The following SORCS1 variants were observed in gnomAD, a reference collection of about 807,000 sequenced individuals.
SORCS1 encodes the protein sortilin related VPS10 domain containing receptor 1.
Under a neutral mutation model 146.1 loss-of-function variants are expected in SORCS1, and 60 were observed. The ratio of observed to expected loss-of-function variants is 0.41; its 90% CI spans 0.33 to 0.51. The LOEUF is 0.51. SORCS1 is among the 20% of genes least tolerant of loss of function. The pLI, the probability that SORCS1 is intolerant of heterozygous loss-of-function variation, is 0.21. For synonymous variants in SORCS1, 637 were observed against 584.0 expected (o/e 1.09, Z -1.31); for missense variants, 1,352 against 1,487.6 (o/e 0.91, Z 1.50).
intron 1 of SORCS1, among the ~76,000 whole-genome samples, chr10:107,095,623 T>C (rs1964495498): frequency 6.6e-6 from 1 of 152,176 alleles, no homozygotes; most frequent in South Asian, 2.1e-4. Flanking sequence ...CAGTATTCAG[T>C]TATGCAGAAA....
At chr10:107,128,694 C>T (rs1376974367) in intron 1 of SORCS1, among the ~76,000 whole-genome samples, 1 of 152,186 alleles carries the variant, frequency 6.6e-6, no homozygotes, top group Middle Eastern at 3.2e-3. Context: ...CTAGCTGGGA[C>T]TTCATTAATC....
intron 1 of SORCS1, among the ~76,000 whole-genome samples, chr10:107,001,401 T>C (rs950591942): frequency 5.3e-5 from 8 of 151,744 alleles, no homozygotes; most frequent in Non-Finnish European, 2.9e-5. Context: ...CAGAGGGGGG[T>C]CAAGTTTGCT....
chr10:106,628,269 AC>A (rs1244000878), intron 19 of SORCS1, among the ~76,000 whole-genome samples: 12 of 152,250 alleles, frequency 7.9e-5, no homozygotes, highest in Non-Finnish European at 1.5e-4. Flanking sequence ...TCACTGGACC[AC>A]AGCAGCTAAA....
intron 2 of SORCS1, among the ~76,000 whole-genome samples, chr10:106,955,627 T>A (rs986878057): frequency 6.6e-6 from 1 of 152,134 alleles, no homozygotes; most frequent in African/African-American, 2.4e-5. Context: ...TGTGCATGAG[T>A]GTGGGTATGC....
At chr10:106,945,111 C>T (rs781650510) in intron 2 of SORCS1, among the ~76,000 whole-genome samples, 81 of 151,858 alleles carry the variant, frequency 5.3e-4, no homozygotes, top group Non-Finnish European at 1.0e-3. Flanking sequence ...TGGTCTTGAA[C>T]TCCTAGCCTC....
chr10:106,857,280 C>T (rs1488096959), intron 2 of SORCS1, among the ~76,000 whole-genome samples: 1 of 152,224 alleles, frequency 6.6e-6, no homozygotes, highest in Non-Finnish European at 1.5e-5. Context: ...TCCTGCCCAT[C>T]TCCTTCCCTA....
chr10:106,831,530 T>C (rs890698723), intron 2 of SORCS1, among the ~76,000 whole-genome samples: 3 of 152,218 alleles, frequency 2.0e-5, no homozygotes, highest in Non-Finnish European at 4.4e-5. Flanking sequence ...GTAATCATCT[T>C]AATTAATTTC....
At chr10:106,687,468 AC>A (rs1384391209) in intron 10 of SORCS1, among the ~76,000 whole-genome samples, 1 of 152,202 alleles carries the variant, frequency 6.6e-6, no homozygotes, top group Non-Finnish European at 1.5e-5. Context: ...GATAATAAAT[AC>A]CTTGGCCTTT....
intron 1 of SORCS1, among the ~76,000 whole-genome samples, chr10:107,111,998 A>C (rs1173101962): frequency 6.6e-6 from 1 of 152,168 alleles, no homozygotes; most frequent in Non-Finnish European, 1.5e-5. Context: ...GGATTCTTTC[A>C]ATTTGAAAGA....
intron 1 of SORCS1, among the ~76,000 whole-genome samples, chr10:107,120,764 G>A (rs1355721555): frequency 2.0e-5 from 3 of 152,122 alleles, no homozygotes; most frequent in Non-Finnish European, 4.4e-5. Context: ...CTGAAAATGC[G>A]GAAAGCAGGC....
intron 6 of SORCS1, among the ~76,000 whole-genome samples, chr10:106,711,273 G>A (rs1401281772): frequency 6.6e-6 from 1 of 152,144 alleles, no homozygotes; most frequent in South Asian, 2.1e-4. Context: ...TAATGAGTAG[G>A]TGGGTTTGAT....
At chr10:107,006,608 G>T (rs1957453471) in intron 1 of SORCS1, among the ~76,000 whole-genome samples, 1 of 152,174 alleles carries the variant, frequency 6.6e-6, no homozygotes, top group Non-Finnish European at 1.5e-5. Context: ...ACGAGGTCAG[G>T]AGATCGAGAC....
At chr10:106,819,993 C>G (rs1947932150) in intron 3 of SORCS1, among the ~76,000 whole-genome samples, 1 of 152,192 alleles carries the variant, frequency 6.6e-6, no homozygotes, top group Admixed American at 6.5e-5. Flanking sequence ...GCACAGTAAT[C>G]TCTGTCGTCT....
intron 5 of SORCS1, among the ~76,000 whole-genome samples, chr10:106,739,495 A>G (rs1857202107): frequency 6.6e-6 from 1 of 151,002 alleles, no homozygotes; most frequent in Admixed American, 6.6e-5. Context: ...TCAAAAAGAA[A>G]AAAAAAAAAA....
At chr10:107,061,259 G>A (rs1375311005) in intron 1 of SORCS1, among the ~76,000 whole-genome samples, 2 of 152,176 alleles carry the variant, frequency 1.3e-5, no homozygotes, top group East Asian at 3.9e-4. Context: ...CATCCATAAT[G>A]AATACTTACA....
At chr10:106,708,327 C>A (rs1315624749) in intron 7 of SORCS1, among the ~76,000 whole-genome samples, 1 of 151,968 alleles carries the variant, frequency 6.6e-6, no homozygotes, top group African/African-American at 2.4e-5. Flanking sequence ...GGCATTTAAA[C>A]AAATTGCATC....
Position 106,654,583 on chromosome 10 carries a change from G to A in SORCS1, c.2304-2030C>T, listed in dbSNP as rs147905095. On this transcript the variant is annotated intron_variant, in intron 17 of 25. Coordinates refer to ENST00000263054, the MANE Select transcript of SORCS1 (RefSeq NM_052918.5). ...AGATATTCAAAGCTGGTAATCAGGA[G>A]GTCCATACCAGTAACTGTACCAGTT... Among the ~76,000 whole-genome samples the A allele has an allele frequency of 1.8e-3, 268 of 152,318 alleles. 2 individuals are homozygous for A. The highest frequency in any genetic ancestry group is 6.0e-3 in the African/African-American group (249 of 41,556).
At chr10:107,155,777 G>A (rs146353736) in intron 1 of SORCS1, among the ~76,000 whole-genome samples, 10 of 152,252 alleles carry the variant, frequency 6.6e-5, no homozygotes, top group Middle Eastern at 3.4e-3. Flanking sequence ...CTGTTACTCT[G>A]GTTAGGGAAA....
intron 3 of SORCS1, among the ~76,000 whole-genome samples, chr10:106,822,279 G>GAA (rs1948075781): frequency 6.6e-6 from 1 of 152,056 alleles, no homozygotes; most frequent in Non-Finnish European, 1.5e-5. Context: ...AACTAATATA[G>GAA]AATATATGGC....
Sources: gnomAD v4.1 joint callset for allele counts (sites outside exome capture counted in the v4.1 genomes callset) on GRCh38, gnomAD v4.1.1 for gene constraint, MANE v1.5 for transcripts, NCBI Gene and HGNC (gene_info 2026-07-23, HGNC 2026-07-21) for gene names.